CCDC14: variants seen among roughly 807,000 people sequenced by gnomAD.
CCDC14 encodes coiled-coil domain containing 14.
CCDC14 carries 71 observed loss-of-function variants against 81.4 expected under a neutral mutation model. The observed-to-expected ratio is 0.87, with a 90% CI of 0.72 to 1.06. CCDC14 has a LOEUF of 1.06. CCDC14 is among the 50% of genes least tolerant of loss of function. The probability of loss-of-function intolerance (pLI) is 0.00; values close to 1 mark genes in which losing one functional copy is unlikely to be tolerated. For synonymous variants in CCDC14, 332 were observed against 364.8 expected, an observed-to-expected ratio of 0.91 and a Z score of 1.03; for missense variants, 1,046 against 1,047.3, an observed-to-expected ratio of 1.00 and a Z score of 0.02.
intron 6 of CCDC14, 27 bp downstream of exon 6, chr3:123,948,869 C>G (rs373210434): frequency 1.3e-5 from 20 of 1,597,240 alleles, no homozygotes; most frequent in Non-Finnish European, 1.6e-5. Context: ...CTTACACTCA[C>G]GATTTTTAAA....
chr3:123,950,670 C>T (rs755160476), intron 5 of CCDC14, among the ~76,000 whole-genome samples: 13 of 151,222 alleles, frequency 8.6e-5, no homozygotes, highest in Non-Finnish European at 1.6e-4. Flanking sequence ...GAGGGAGCCT[C>T]GCAGGGTGCT....
intron 9 of CCDC14, among the ~76,000 whole-genome samples, chr3:123,934,198 G>C (rs955394578): frequency 6.8e-6 from 1 of 147,196 alleles, no homozygotes; most frequent in Non-Finnish European, 1.5e-5. Flanking sequence ...GCTTGAACCT[G>C]GGAGGTGGAG....
chr3:123,900,302 A>G (rs1326626412), intron 5 of CCDC14, among the ~76,000 whole-genome samples: 1 of 152,228 alleles, frequency 6.6e-6, no homozygotes, highest in South Asian at 2.1e-4. Flanking sequence ...ACGGTCTCCC[A>G]CACACCCATG....
chr3:123,945,447 T>C (rs941820195), intron 8 of CCDC14, among the ~76,000 whole-genome samples: 3 of 152,122 alleles, frequency 2.0e-5, no homozygotes, highest in African/African-American at 7.2e-5. Context: ...TGGCAAAATA[T>C]TGAGTGAGGG....
intron 1 of CCDC14, among the ~76,000 whole-genome samples, chr3:123,960,643 G>A (rs940610877): frequency 6.6e-6 from 1 of 152,156 alleles, no homozygotes; most frequent in Admixed American, 6.5e-5. Flanking sequence ...TTAAGATGGT[G>A]GCAAACTACG....
At chr3:123,934,664 A>G (rs2035959935) in intron 9 of CCDC14, among the ~76,000 whole-genome samples, 1 of 152,186 alleles carries the variant, frequency 6.6e-6, no homozygotes, top group Non-Finnish European at 1.5e-5. Flanking sequence ...ACAAATAGAA[A>G]CATATGCAAG....
Position 123,915,341 on chromosome 3 carries a change from A to G in CCDC14, c.2156T>C (p.Leu719Ser), listed in dbSNP as rs751078758. 6.2e-7 allele frequency: 1 copy of G among 1,613,952 alleles called. No individual in the cohort carries two copies. The highest frequency in any genetic ancestry group is 1.1e-5 in the South Asian group (1 of 91,044). Reference protein sequence around the residue: ...DSDEGSETMALIEDEHNLDNT... With the variant: ...DSDEGSETMASIEDEHNLDNT... ...ATCCAAATTATGCTCATCTTCTATT[A>G]AAGCCATAGTTTCACTCCCTTCATC... The change falls in exon 13 of 13, where the codon TTA becomes TCA. Residue 719 changes from leucine (L) to serine (S), a missense_variant. Coordinates refer to ENST00000409697, the MANE Select transcript of CCDC14 (RefSeq NM_001366335.1).
chr3:123,922,036 G>A (rs1249071560), intron 12 of CCDC14, among the ~76,000 whole-genome samples: 3 of 152,188 alleles, frequency 2.0e-5, no homozygotes, highest in South Asian at 2.1e-4. Flanking sequence ...AGCATCTTCC[G>A]ATTCCAACGG....
At chr3:123,909,608 T>C (rs144839946), downstream of CCDC14, among the ~76,000 whole-genome samples, 1 of 152,330 alleles carries the variant, frequency 6.6e-6, no homozygotes, top group African/African-American at 2.4e-5. Context: ...TAAGTGTCTA[T>C]TATAGTACAC....
At position 123,945,551 on chromosome 3, in the gene CCDC14, A is replaced by C. The variant is rs2148914319; in HGVS notation, c.1202-561T>G. ...ATGTGACATCAAAAGTTTGTTAATA[A>C]TTGTGGACAGTAGATGTTTTTGGAG... On this transcript the variant is annotated intron_variant, in intron 8 of 12. Transcript: ENST00000409697. 2.0e-5 allele frequency among the ~76,000 whole-genome samples: 3 copies of C among 152,238 alleles called. No homozygotes were observed. In the Middle Eastern group the frequency reaches 0.01, roughly 518 times the overall value.
At chr3:123,958,084 T>C (rs1473343790) in intron 1 of CCDC14, 1 of 152,118 alleles carries the variant, frequency 6.6e-6, no homozygotes, top group Non-Finnish European at 1.5e-5. Context: ...ACTTGGATTA[T>C]GATGGAGGGT....
At chr3:123,917,107 T>C (rs2034751278) in intron 12 of CCDC14, among the ~76,000 whole-genome samples, 1 of 151,760 alleles carries the variant, frequency 6.6e-6, no homozygotes, top group Non-Finnish European at 1.5e-5. Flanking sequence ...CCTCCCAAAG[T>C]GCTGGAATTA....
chr3:123,913,984 G>A lies in CCDC14; in HGVS notation c.*795C>T. On this transcript the variant is annotated 3_prime_UTR_variant, in exon 13 of 13. Transcript: ENST00000409697. ...CTGGGAGAAAAAATTCTTCCAAAAA[G>A]GCAGAATTACAATCAATGCCAAGAT... 1 of 985,280 alleles carries A rather than the reference G, an allele frequency of 1.0e-6. No homozygotes were observed. The highest frequency in any genetic ancestry group is 1.2e-6 in the Non-Finnish European group (1 of 829,696). The allele number at this position is 985,280 out of a possible 1,614,324, so 61.0% of individuals were successfully genotyped here.
chr3:123,898,254 G>A (rs1227692521), intron 5 of CCDC14, among the ~76,000 whole-genome samples: 1 of 152,226 alleles, frequency 6.6e-6, no homozygotes, highest in Non-Finnish European at 1.5e-5. Flanking sequence ...CACTTCATAA[G>A]GTTGTTGTGA....
downstream of CCDC14, chr3:123,913,361 T>G (rs1247556202): frequency 7.4e-5 from 73 of 982,832 alleles, no homozygotes; most frequent in Non-Finnish European, 8.7e-5. Context: ...CAGGTAATCT[T>G]AAGATTTTAC....
At chr3:123,947,810 A>G (rs1045620772) in intron 7 of CCDC14, among the ~76,000 whole-genome samples, 90 of 152,146 alleles carry the variant, frequency 5.9e-4, no homozygotes, top group African/African-American at 2.1e-3. Context: ...TTCTGATATT[A>G]AAAACTTGCT....
At chr3:123,927,987 CAG>C (rs1043130892) in intron 12 of CCDC14, among the ~76,000 whole-genome samples, 6 of 152,252 alleles carry the variant, frequency 3.9e-5, no homozygotes, top group Non-Finnish European at 8.8e-5. Flanking sequence ...AAGCTGAAGA[CAG>C]AATCCAAAAT....
At chr3:123,889,608 G>T in the CCDC14 span, among the ~76,000 whole-genome samples, 1 of 152,320 alleles carries the variant, frequency 6.6e-6, no homozygotes, top group African/African-American at 2.4e-5. Context: ...GGTCTGCAGG[G>T]TATAGCCCCT....
chr3:123,918,723 C>T (rs1191411074), intron 12 of CCDC14, among the ~76,000 whole-genome samples: 1 of 152,118 alleles, frequency 6.6e-6, no homozygotes, highest in African/African-American at 2.4e-5. Context: ...TCTGTATTAC[C>T]CCATTTGTTC....
Sources: gnomAD v4.1 joint callset for allele counts (sites outside exome capture counted in the v4.1 genomes callset) on GRCh38, gnomAD v4.1.1 for gene constraint, MANE v1.5 for transcripts, NCBI Gene and HGNC (gene_info 2026-07-23, HGNC 2026-07-21) for gene names.